THSD7A: variants seen among roughly 807,000 people sequenced by gnomAD.
THSD7A encodes thrombospondin type 1 domain containing 7A, also known as thrombospondin type-1 domain-containing protein 7A.
A neutral mutation model predicts 231.3 loss-of-function variants in THSD7A; 96 were observed. That is an observed-to-expected ratio of 0.41 (90% confidence interval 0.35 to 0.49). THSD7A has a LOEUF of 0.49. Among genes scored for constraint, THSD7A ranks in the 20% least tolerant of loss-of-function variants. The probability of loss-of-function intolerance (pLI) is 0.05; values close to 1 mark genes in which losing one functional copy is unlikely to be tolerated. For synonymous variants in THSD7A, 940 were observed against 743.3 expected (o/e 1.26, Z -4.30); for missense variants, 2,290 against 2,070.2 (o/e 1.11, Z -2.06).
At chr7:11,640,660 T>A (rs527313724) in intron 1 of THSD7A, among the ~76,000 whole-genome samples, 2 of 152,274 alleles carry the variant, frequency 1.3e-5, no homozygotes, top group East Asian at 3.9e-4. Context: ...TAGTATTTCT[T>A]ACTAGAATAT....
At chr7:11,617,528 A>G (rs1023537339) in intron 2 of THSD7A, among the ~76,000 whole-genome samples, 1 of 152,224 alleles carries the variant, frequency 6.6e-6, no homozygotes, top group Non-Finnish European at 1.5e-5. Context: ...TAACTATATT[A>G]CATGAATGCT....
intron 4 of THSD7A, among the ~76,000 whole-genome samples, chr7:11,561,140 C>G (rs1002103653): frequency 2.0e-5 from 3 of 152,100 alleles, no homozygotes; most frequent in African/African-American, 7.2e-5. Flanking sequence ...GTATGTACCT[C>G]TAATTACTAC....
At chr7:11,749,284 C>A (rs541406020) in intron 1 of THSD7A, among the ~76,000 whole-genome samples, 171 of 152,010 alleles carry the variant, frequency 1.1e-3, no homozygotes, top group Non-Finnish European at 1.9e-3. Flanking sequence ...CAGTATTTTT[C>A]CATGCCCCAA....
At chr7:11,589,441 G>T (rs966943039) in intron 4 of THSD7A, among the ~76,000 whole-genome samples, 3 of 152,178 alleles carry the variant, frequency 2.0e-5, no homozygotes, top group African/African-American at 7.2e-5. Context: ...TGTCGTCATT[G>T]AGCTCAAGTG....
At chr7:11,819,418 C>G (rs1278723581) in intron 1 of THSD7A, among the ~76,000 whole-genome samples, 1 of 152,108 alleles carries the variant, frequency 6.6e-6, no homozygotes, top group Non-Finnish European at 1.5e-5. Flanking sequence ...AACCAAGATG[C>G]CTTTAAATAG....
At chr7:11,529,053 G>A (rs1788594050) in intron 6 of THSD7A, among the ~76,000 whole-genome samples, 1 of 152,090 alleles carries the variant, frequency 6.6e-6, no homozygotes, top group African/African-American at 2.4e-5. Context: ...TACGATTCTA[G>A]TGACACATTC....
intron 16 of THSD7A, among the ~76,000 whole-genome samples, chr7:11,419,845 C>A (rs1411184867): frequency 6.6e-6 from 1 of 152,238 alleles, no homozygotes; most frequent in South Asian, 2.1e-4. Flanking sequence ...TGGAGTAAAG[C>A]CCACTTTTGC....
intron 24 of THSD7A, among the ~76,000 whole-genome samples, chr7:11,380,942 G>GCC (rs1782489327): frequency 6.6e-6 from 1 of 152,054 alleles, no homozygotes; most frequent in African/African-American, 2.4e-5. Flanking sequence ...TGGGGGAATA[G>GCC]CCCCAATTGC....
At chr7:11,470,092 A>C in intron 8 of THSD7A, 98 bp from the exon 9 acceptor site, 1 of 809,530 alleles carries the variant, frequency 1.2e-6, no homozygotes, top group South Asian at 1.5e-5. Flanking sequence ...TTGCAAAACA[A>C]GTCACTCATC....
At chr7:11,553,039 T>G (rs1279168193) in intron 4 of THSD7A, among the ~76,000 whole-genome samples, 1 of 152,064 alleles carries the variant, frequency 6.6e-6, no homozygotes, top group African/African-American at 2.4e-5. Flanking sequence ...TCCAAAACTC[T>G]GCATTTGTGT....
chr7:11,461,068 G>C (rs547151418), intron 10 of THSD7A, among the ~76,000 whole-genome samples: 83 of 152,288 alleles, frequency 5.5e-4, no homozygotes, highest in African/African-American at 1.9e-3. Context: ...GATGGCCCCA[G>C]AAGTGATGCA....
chr7:11,646,386 A>G (rs528476235), intron 1 of THSD7A, among the ~76,000 whole-genome samples: 1 of 152,210 alleles, frequency 6.6e-6, no homozygotes. Flanking sequence ...TAACAAACAT[A>G]TAATCTCAAT....
Position 11,474,386 on chromosome 7 carries a change from T to C in THSD7A, c.2200A>G (p.Thr734Ala). Residue 734 changes from threonine (T) to alanine (A), a missense_variant, in exon 8 of 28, where the codon ACA becomes GCA. Coordinates refer to ENST00000423059, the MANE Select transcript of THSD7A (RefSeq NM_015204.3). This position sits in a 1 kb window ranked among gnomAD's most constrained non-coding sequence, Gnocchi z 4.1. ...GEASCSVGMQTRKVICVRVNV... is the reference protein window; with the variant it reads ...GEASCSVGMQARKVICVRVNV... The stretch of plus-strand genomic sequence containing the variant: ...ACTCGCACACAGATGACTTTTCTTG[T>C]CTGCATGCCGACAGAGCAGGAGGCC... The C allele has an allele frequency of 2.5e-6, 4 of 1,613,434 alleles. No individual in the cohort carries two copies. The highest frequency in any genetic ancestry group is 2.2e-5 in the East Asian group (1 of 44,854).
At chr7:11,523,924 A>G (rs1408932384) in intron 6 of THSD7A, among the ~76,000 whole-genome samples, 1 of 152,016 alleles carries the variant, frequency 6.6e-6, no homozygotes. Context: ...GTTCCTTAGA[A>G]TAAATTACTA....
intron 2 of THSD7A, among the ~76,000 whole-genome samples, chr7:11,618,075 C>A (rs1344195523): frequency 6.6e-6 from 1 of 152,120 alleles, no homozygotes; most frequent in Non-Finnish European, 1.5e-5. Context: ...CAGTAATTCC[C>A]ACACCTAGGA....
intron 13 of THSD7A, among the ~76,000 whole-genome samples, chr7:11,437,415 TCC>T (rs1784667515): frequency 6.6e-6 from 1 of 152,086 alleles, no homozygotes; most frequent in Non-Finnish European, 1.5e-5. Context: ...AGATGCTCTT[TCC>T]TTCTTTCCTT....
intron 1 of THSD7A, among the ~76,000 whole-genome samples, chr7:11,738,819 G>A (rs1782006742): frequency 6.6e-6 from 1 of 151,982 alleles, no homozygotes; most frequent in Admixed American, 6.6e-5. Context: ...TTTTCCTCCA[G>A]AGCTTTAAGA....
intron 1 of THSD7A, among the ~76,000 whole-genome samples, chr7:11,686,300 C>T (rs1056610388): frequency 2.6e-5 from 4 of 151,522 alleles, no homozygotes; most frequent in African/African-American, 9.7e-5. Context: ...CATAATATAC[C>T]CCTGTAATAA....
chr7:11,752,850 C>A (rs554413959), intron 1 of THSD7A, among the ~76,000 whole-genome samples: 1 of 151,976 alleles, frequency 6.6e-6, no homozygotes, highest in African/African-American at 2.4e-5. Flanking sequence ...TGCTTGAGGC[C>A]GAGAGGTCAA....
Sources: gnomAD v4.1 joint callset for allele counts (sites outside exome capture counted in the v4.1 genomes callset) on GRCh38, gnomAD v4.1.1 for gene constraint, Gnocchi (gnomAD v3.1) non-coding constraint, MANE v1.5 for transcripts, NCBI Gene and HGNC (gene_info 2026-07-23, HGNC 2026-07-21) for gene names.